The following CHD7 variants were observed in gnomAD, a reference collection of about 807,000 sequenced individuals.
The protein encoded by CHD7 is ATP-dependent chromatin remodeler CHD7.
CHD7 carries 24 observed loss-of-function variants against 307.3 expected under a neutral mutation model. That is an observed-to-expected ratio of 0.08 (90% CI 0.06 to 0.11). The LOEUF is 0.11. CHD7 is among the 10% of genes least tolerant of loss of function. The probability of loss-of-function intolerance (pLI) is 1.00; values close to 1 mark genes in which losing one functional copy is unlikely to be tolerated. For synonymous variants in CHD7, 1,363 were observed against 1,349.9 expected (o/e 1.01, Z -0.21); for missense variants, 3,106 against 3,727.1 (o/e 0.83, Z 4.34).
chr8:60,793,952 G>T (rs1036253368), intron 3 of CHD7, among the ~76,000 whole-genome samples: 1 of 152,018 alleles, frequency 6.6e-6, no homozygotes, highest in Non-Finnish European at 1.5e-5. Context: ...GTGAAAGCCC[G>T]TCTCTACTAA....
intron 32 of CHD7, among the ~76,000 whole-genome samples, chr8:60,854,816 G>A (rs750412733): frequency 7.2e-5 from 11 of 152,098 alleles, no homozygotes; most frequent in South Asian, 2.1e-4. Flanking sequence ...ACTTACCCCC[G>A]TTGTCTAGCA....
rs190842312 is a variant in CHD7, at chr8:60,825,022, A to G, written c.3378+1006A>G. Reference sequence around the variant, plus strand: ...GAAAGCAAAGCTCCTGTCATTTAGCATGCCTTGGATGATTTGATGAGTTTC... The same window carrying G: ...GAAAGCAAAGCTCCTGTCATTTAGCGTGCCTTGGATGATTTGATGAGTTTC... On this transcript the variant is annotated intron_variant, in intron 13 of 37. Coordinates refer to ENST00000423902, the MANE Select transcript of CHD7 (RefSeq NM_017780.4). 24 of 152,310 alleles carry G rather than the reference A, an allele frequency of 1.6e-4. No individual in the cohort carries two copies. In the Middle Eastern group the frequency reaches 0.01, roughly 65 times the overall value. The allele number at this position is 152,310 out of a possible 1,614,324, so 9.4% of individuals were successfully genotyped here.
rs894876080 is a variant in CHD7 at position 60,746,402 on chromosome 8, ATC to A, written c.1665+3315_1665+3316del. On this transcript the variant is annotated intron_variant, in intron 2 of 37. Transcript: ENST00000423902. ...CAAAATACTATCCTATACCTTTAAA[ATC>A]TCTCTCTCTGAATGATTGACATTCT... 2.0e-5 allele frequency among the ~76,000 whole-genome samples: 3 copies of A among 151,876 alleles called. No homozygotes were observed. The East Asian group carries it at 5.8e-4, about 29-fold the overall frequency.
intron 1 of CHD7, among the ~76,000 whole-genome samples, chr8:60,708,739 G>A (rs934155994): frequency 4.6e-5 from 7 of 152,092 alleles, no homozygotes; most frequent in Non-Finnish European, 7.4e-5. Context: ...TTTGCCTGTC[G>A]AAATTCTGCT....
At chr8:60,843,897 T>C (rs1030049589) in intron 21 of CHD7, among the ~76,000 whole-genome samples, 1 of 152,138 alleles carries the variant, frequency 6.6e-6, no homozygotes, top group African/African-American at 2.4e-5. Context: ...TTGGAGAAAC[T>C]TGAAGAAGTT....
At chr8:60,684,226 A>G (rs550079249) in intron 1 of CHD7, among the ~76,000 whole-genome samples, 7 of 152,314 alleles carry the variant, frequency 4.6e-5, no homozygotes, top group African/African-American at 1.7e-4. Context: ...ACCTATGCTA[A>G]TGTGGAATCT....
At chr8:60,712,458 C>A (rs560966743) in intron 1 of CHD7, among the ~76,000 whole-genome samples, 2 of 152,166 alleles carry the variant, frequency 1.3e-5, no homozygotes, top group African/African-American at 4.8e-5. Context: ...AAAGTAGACA[C>A]GAGCAGAATC....
chr8:60,734,892 ATCAT>A (rs959999207), intron 1 of CHD7, among the ~76,000 whole-genome samples: 3 of 152,186 alleles, frequency 2.0e-5, no homozygotes, highest in Admixed American at 1.3e-4. Flanking sequence ...GTTTTATAAG[ATCAT>A]TCAATCAGTA....
intron 2 of CHD7, among the ~76,000 whole-genome samples, chr8:60,747,626 A>T (rs745537467): frequency 1.8e-3 from 275 of 152,344 alleles, no homozygotes; most frequent in African/African-American, 6.4e-3. Context: ...ATTTGGAAAA[A>T]ATGAGGATGA....
At chr8:60,782,286 C>T (rs1811280617) in intron 3 of CHD7, among the ~76,000 whole-genome samples, 1 of 152,224 alleles carries the variant, frequency 6.6e-6, no homozygotes, top group Non-Finnish European at 1.5e-5. Context: ...CCCATACCCT[C>T]ATGTGCACGT....
At chr8:60,683,142 C>T (rs781311424) in intron 1 of CHD7, among the ~76,000 whole-genome samples, 3 of 152,326 alleles carry the variant, frequency 2.0e-5, no homozygotes, top group Middle Eastern at 6.8e-3. Flanking sequence ...TTTTTCTAGA[C>T]AGGTTTCCAA....
At chr8:60,804,498 A>G (rs551648392) in intron 6 of CHD7, among the ~76,000 whole-genome samples, 60 of 152,328 alleles carry the variant, frequency 3.9e-4, no homozygotes, top group African/African-American at 1.4e-3. Flanking sequence ...AAAGAAGGCA[A>G]AACTCTTAAT....
intron 15 of CHD7, among the ~76,000 whole-genome samples, chr8:60,834,267 G>A (rs1247638312): frequency 6.6e-6 from 1 of 152,072 alleles, no homozygotes; most frequent in Non-Finnish European, 1.5e-5. Flanking sequence ...CCATTAATTT[G>A]TTTTAAATGG....
chr8:60,691,048 C>T (rs1727696696), intron 1 of CHD7, among the ~76,000 whole-genome samples: 1 of 152,138 alleles, frequency 6.6e-6, no homozygotes, highest in Non-Finnish European at 1.5e-5. Flanking sequence ...GCCTCAGCCT[C>T]CTGAGTAGCT....
At chr8:60,730,682 A>C (rs1282799759) in intron 1 of CHD7, among the ~76,000 whole-genome samples, 1 of 152,152 alleles carries the variant, frequency 6.6e-6, no homozygotes, top group African/African-American at 2.4e-5. Context: ...AACATGGTGA[A>C]ACCCTGTCTC....
chr8:60,779,928 G>T (rs984492669), intron 2 of CHD7, among the ~76,000 whole-genome samples: 4 of 152,158 alleles, frequency 2.6e-5, no homozygotes, highest in African/African-American at 9.7e-5. Context: ...GGATTGAATG[G>T]TACCACGGTG....
Position 60,852,089 on chromosome 8 carries a change from T to C in CHD7, c.5736T>C (p.Arg1912=), listed in dbSNP as rs752453436. ...CTAACACTTCAACCCTGACTACACG[T>C]CTGCGCCGGCTCATTACTGCCTATC... ...YWPNTSTLTT[R]LRRLITAYQR... The change falls in exon 29 of 38, where the codon CGT becomes CGC. Residue 1912 remains arginine, a synonymous_variant. Coordinates refer to ENST00000423902, the MANE Select transcript of CHD7 (RefSeq NM_017780.4). The C allele has an allele frequency of 6.2e-7, 1 of 1,613,994 alleles. No individual in the cohort carries two copies. Among genetic ancestry groups the C allele is most frequent in the South Asian group, 1.1e-5 (1 of 91,090 alleles).
At chr8:60,831,171 G>C (rs1367702289) in intron 15 of CHD7, among the ~76,000 whole-genome samples, 2 of 152,094 alleles carry the variant, frequency 1.3e-5, no homozygotes, top group African/African-American at 4.8e-5. Flanking sequence ...AATCATTAAG[G>C]TAGTAAATAT....
At chr8:60,697,632 A>T (rs78619454) in intron 1 of CHD7, among the ~76,000 whole-genome samples, 88 of 152,300 alleles carry the variant, frequency 5.8e-4, no homozygotes, top group African/African-American at 2.0e-3. Context: ...TGATACATTG[A>T]AATGCCAAAA....
Sources: gnomAD v4.1 joint callset for allele counts (sites outside exome capture counted in the v4.1 genomes callset) on GRCh38, gnomAD v4.1.1 for gene constraint, MANE v1.5 for transcripts, NCBI Gene and HGNC (gene_info 2026-07-23, HGNC 2026-07-21) for gene names.